The following KLHL26 variants were observed in gnomAD, a reference collection of about 807,000 sequenced individuals.
KLHL26 encodes the protein kelch-like protein 26.
A neutral mutation model predicts 7.1 loss-of-function variants in KLHL26; 4 were observed. That is an observed-to-expected ratio of 0.56 (90% CI 0.28 to 1.28). The LOEUF (loss-of-function observed/expected upper bound fraction) is 1.28. KLHL26 is among the 50% of genes most tolerant of loss of function. The pLI is 0.11. For synonymous variants in KLHL26, 465 were observed against 414.1 expected, an observed-to-expected ratio of 1.12 and a Z score of -1.49; for missense variants, 896 against 924.6, an observed-to-expected ratio of 0.97 and a Z score of 0.40.
At chr19:18,653,832 A>C (rs534725589) in intron 1 of KLHL26, among the ~76,000 whole-genome samples, 3 of 1,736 alleles carry the variant, frequency 1.7e-3, no homozygotes, top group Non-Finnish European at 3.0e-3. Flanking sequence ...ACCCACCCAC[A>C]CACCCACCCT....
rs756390421 is a variant in KLHL26, at chr19:18,668,969, C to T, written c.1572C>T (p.Phe524=). Residue 524 remains phenylalanine (F), a synonymous_variant, in exon 3 of 3, where the codon TTC becomes TTT. Transcript: ENST00000300976. ...GGRMDHVDRC[F]DVLAVEYYVP... is the part of the protein sequence containing the mutation. Reference sequence around the variant, plus strand: ...GCATGGACCACGTGGACCGCTGCTTCGACGTGCTGGCTGTGGAGTACTATG... The same window carrying T: ...GCATGGACCACGTGGACCGCTGCTTTGACGTGCTGGCTGTGGAGTACTATG... 4.3e-6 allele frequency: 7 copies of T among 1,611,874 alleles called. No individual in the cohort carries two copies. Among genetic ancestry groups the T allele is most frequent in the East Asian group, 2.2e-5 (1 of 44,890 alleles).
intron 1 of KLHL26, among the ~76,000 whole-genome samples, chr19:18,661,986 C>T (rs2052396213): frequency 1.3e-5 from 2 of 152,162 alleles, no homozygotes; most frequent in South Asian, 2.1e-4. Context: ...CTCAAGTGAT[C>T]CTCTCACCTC....
chr19:18,655,141 G>C (rs973226797), intron 1 of KLHL26, among the ~76,000 whole-genome samples: 1 of 152,216 alleles, frequency 6.6e-6, no homozygotes, highest in Non-Finnish European at 1.5e-5. Flanking sequence ...AGCGGGACCT[G>C]GCAGGCACCG....
chr19:18,667,446 C>G (rs543886795), intron 2 of KLHL26: 3 of 681,930 alleles, frequency 4.4e-6, no homozygotes, highest in African/African-American at 3.6e-5. Flanking sequence ...TCTCATGATC[C>G]ACCCGCCTGG....
At chr19:18,657,635 T>C (rs1294448672) in intron 1 of KLHL26, among the ~76,000 whole-genome samples, 1 of 152,240 alleles carries the variant, frequency 6.6e-6, no homozygotes, top group Admixed American at 6.5e-5. Context: ...TGTCCTGGCC[T>C]GCTGGGACAC....
intron 1 of KLHL26, among the ~76,000 whole-genome samples, chr19:18,640,923 C>T (rs929105032): frequency 2.0e-5 from 3 of 152,138 alleles, no homozygotes; most frequent in African/African-American, 4.8e-5. Flanking sequence ...TTCAAGAGTT[C>T]CAGCTCCTCC....
intron 2 of KLHL26, among the ~76,000 whole-genome samples, chr19:18,665,121 A>G (rs1459265494): frequency 5.3e-5 from 8 of 151,662 alleles, no homozygotes; most frequent in East Asian, 2.0e-4. Flanking sequence ...CAGTAGCACA[A>G]TCTTGGCTCA....
At chr19:18,642,382 T>TGTGTGTGTG (rs71168756) in intron 1 of KLHL26, among the ~76,000 whole-genome samples, 144 of 150,356 alleles carry the variant, frequency 9.6e-4, no homozygotes, top group Middle Eastern at 6.8e-3. Context: ...TGTGTGTGTG[T>TGTGTGTGTG]TTGAGATGGA....
Position 18,669,958 on chromosome 19 carries a change from A to G in KLHL26, c.*713A>G, listed in dbSNP as rs2052509342. ...GCTCCTTAGGGGCTTGGGACCTTCC[A>G]TTTGGCACTGAGCATCTTGTGGGGC... On this transcript the variant is annotated 3_prime_UTR_variant, in exon 3 of 3. Transcript: ENST00000300976. The G allele has an allele frequency of 6.6e-6, 1 of 152,258 alleles. No individual in the cohort carries two copies. The highest frequency in any genetic ancestry group is 2.1e-4 in the South Asian group (1 of 4,834). The allele number at this position is 152,258 out of a possible 1,614,324, so 9.4% of individuals were successfully genotyped here. A position where few individuals can be genotyped will look rare whatever the true frequency, so the allele number is the denominator to read the frequency against.
In KLHL26 at chr19:18,669,191, C is replaced by T. The variant is rs747931634; in HGVS notation, c.1794C>T (p.Phe598=). 3.7e-6 allele frequency: 6 copies of T among 1,612,376 alleles called. No individual in the cohort carries two copies. The highest frequency in any genetic ancestry group is 4.5e-5 in the East Asian group (2 of 44,880). Residue 598 remains phenylalanine (F), a synonymous_variant, in exon 3 of 3, where the codon TTC becomes TTT. Coordinates refer to ENST00000300976, the MANE Select transcript of KLHL26 (RefSeq NM_018316.3). ...WERDLHFPES[F]AGIACAPVLL... is the part of the protein sequence containing the mutation. The stretch of plus-strand genomic sequence containing the variant: ...GGGACCTGCACTTCCCGGAGTCCTT[C>T]GCAGGCATAGCCTGCGCCCCCGTCC...
At position 18,664,306 on chromosome 19, in the gene KLHL26, C is replaced by T. The variant is rs758726818; in HGVS notation, c.129C>T (p.Pro43=). ...NGALKCTFSA[P]SHSTSLLQGL... ...CCCTCAAGTGCACCTTCTCGGCACC[C>T]AGCCACAGCACCAGCCTCCTGCAGG... The change falls in exon 2 of 3, where the codon CCC becomes CCT. Residue 43 remains proline (P), a synonymous_variant. Transcript: ENST00000300976. 1 of 1,608,710 alleles carries T rather than the reference C, an allele frequency of 6.2e-7. No individual in the cohort carries two copies. Among genetic ancestry groups the T allele is most frequent in the Non-Finnish European group, 8.5e-7 (1 of 1,179,288 alleles).
At chr19:18,667,352 G>GT (rs1448935954) in intron 2 of KLHL26, 2 of 437,900 alleles carry the variant, frequency 4.6e-6, no homozygotes, top group African/African-American at 4.0e-5. Flanking sequence ...GTTTTTGTTT[G>GT]TTTGTTTGTT....
chr19:18,663,125 C>T (rs2052408551), intron 1 of KLHL26, among the ~76,000 whole-genome samples: 1 of 152,230 alleles, frequency 6.6e-6, no homozygotes, highest in Non-Finnish European at 1.5e-5. Context: ...AAAGGCTTTC[C>T]ACTGAGCACA....
intron 1 of KLHL26, among the ~76,000 whole-genome samples, chr19:18,642,514 G>A (rs1229325572): frequency 2.7e-5 from 4 of 148,494 alleles, no homozygotes; most frequent in Non-Finnish European, 4.5e-5. Context: ...ACGGGCGCCT[G>A]CCACCAAGCC....
rs750618906 is a variant in KLHL26 at position 18,668,531 on chromosome 19, C to T, written c.1134C>T (p.Gly378=). ...GQHLQYRSGE[G]AVDACYRYDP... ...ACCTGCAGTACCGCAGCGGCGAGGGCGCAGTGGACGCCTGCTACCGCTACG... is the reference window on the plus strand; with the variant it reads ...ACCTGCAGTACCGCAGCGGCGAGGGTGCAGTGGACGCCTGCTACCGCTACG... Residue 378 remains glycine, a synonymous_variant, in exon 3 of 3, where the codon GGC becomes GGT. Coordinates refer to ENST00000300976, the MANE Select transcript of KLHL26 (RefSeq NM_018316.3). 1.2e-5 allele frequency: 19 copies of T among 1,595,400 alleles called. No individual in the cohort carries two copies. Among genetic ancestry groups the T allele is most frequent in the African/African-American group, 1.3e-5 (1 of 74,850 alleles).
intron 2 of KLHL26, 157 bp from the exon 3 acceptor site, chr19:18,667,507 T>G: frequency 3.0e-6 from 4 of 1,313,672 alleles, no homozygotes; most frequent in Non-Finnish European, 4.0e-6. Context: ...CCCGGCCCCT[T>G]TGCATGTTTT....
At chr19:18,663,649 A>G (rs2052413874) in intron 1 of KLHL26, among the ~76,000 whole-genome samples, 1 of 152,142 alleles carries the variant, frequency 6.6e-6, no homozygotes, top group Non-Finnish European at 1.5e-5. Flanking sequence ...TGGAGGTGGC[A>G]CCAGGGTCCA....
chr19:18,666,823 T>A (rs1421355775), intron 2 of KLHL26, among the ~76,000 whole-genome samples: 1 of 152,196 alleles, frequency 6.6e-6, no homozygotes, highest in Non-Finnish European at 1.5e-5. Context: ...CCTGCTTAGG[T>A]CAGTGAACAA....
chr19:18,669,266 C>G lies in KLHL26; in HGVS notation c.*21C>G. 1 of 1,576,786 alleles carries G rather than the reference C, an allele frequency of 6.3e-7. No individual in the cohort carries two copies. The highest frequency in any genetic ancestry group is 8.6e-7 in the Non-Finnish European group (1 of 1,159,496). On this transcript the variant is annotated 3_prime_UTR_variant, in exon 3 of 3. Transcript: ENST00000300976. ...GGTAGCCCCCAAGACCCCCGGGACCCTGGCCTGACCGCATGTTGTCTCCAA... is the reference window on the plus strand; with the variant it reads ...GGTAGCCCCCAAGACCCCCGGGACCGTGGCCTGACCGCATGTTGTCTCCAA...
Sources: allele counts gnomAD v4.1 joint callset (sites outside exome capture counted in the v4.1 genomes callset), GRCh38; gene constraint gnomAD v4.1.1; transcripts MANE v1.5; gene names NCBI Gene and HGNC (gene_info 2026-07-23, HGNC 2026-07-21).